NMU: variants seen among roughly 807,000 people sequenced by gnomAD.
NMU encodes the protein neuromedin U, also known as neuromedin-U.
A neutral mutation model predicts 35.4 loss-of-function variants in NMU; 29 were observed. That is an observed-to-expected ratio of 0.82 (90% confidence interval 0.61 to 1.12). The LOEUF is 1.12. Ranked by LOEUF, NMU falls within the 50% of genes most tolerant of loss-of-function variation. The pLI is 0.00. For missense variants in NMU, 199 were observed against 206.2 expected (o/e 0.97, Z 0.21); for synonymous variants, 78 against 81.3 (o/e 0.96, Z 0.22).
Position 55,630,406 on chromosome 4 carries a change from T to C in NMU, c.167A>G (p.Asn56Ser). 6.2e-7 allele frequency: 1 copy of C among 1,609,930 alleles called. No homozygotes were observed. Among genetic ancestry groups the C allele is most frequent in the Non-Finnish European group, 8.5e-7 (1 of 1,176,400 alleles). ...TGTGTGATGATAGTTCCTTACCTCATTCCACAACTGTAGCTGTTGTTCAGG... is the reference window on the plus strand; with the variant it reads ...TGTGTGATGATAGTTCCTTACCTCACTCCACAACTGTAGCTGTTGTTCAGG... ...LQPEQQLQLW[N>S]EIDDTCSSFL... Residue 56 changes from asparagine to serine, a missense_variant, in exon 2 of 10, where the codon AAT becomes AGT. By Grantham distance (46) the Asn-to-Ser change is conservative. Transcript: ENST00000264218.
At chr4:55,636,339 A>G (rs1251042838), upstream of NMU, 1 of 1,236,960 alleles carries the variant, frequency 8.1e-7, no homozygotes, top group Non-Finnish European at 1.0e-6. The surrounding 1 kb of genome is among the most constrained non-coding windows in gnomAD (Gnocchi z 4.0). Flanking sequence ...CTCGCGCACA[A>G]GTGGGCTGGG....
chr4:55,604,617 G>A lies in NMU; in HGVS notation c.435+658C>T, dbSNP rs144124598. Among the ~76,000 whole-genome samples the A allele has an allele frequency of 9.5e-3, 1,335 of 139,864 alleles. 29 individuals are homozygous for A. Among genetic ancestry groups the A allele is most frequent in the African/African-American group, 0.031 (1,186 of 38,302 alleles). 91.8% of individuals were successfully genotyped at this position (139,864 alleles called of 152,430 possible). ...CAACCTCTGCCTCCTGGGTTCAAGC[G>A]ATTCTTGTGCCTCAGTCTCCGAGTA... On this transcript the variant is annotated intron_variant, in intron 7 of 9. Transcript: ENST00000264218.
chr4:55,600,592 G>T lies in NMU; in HGVS notation c.436-17C>A, dbSNP rs763350440. 3.8e-6 allele frequency: 6 copies of T among 1,590,196 alleles called. No individual in the cohort carries two copies. The East Asian group carries it at 1.3e-4, about 36-fold the overall frequency. On this transcript the variant is annotated splice_polypyrimidine_tract_variant and intron_variant, in intron 7 of 9. Coordinates refer to ENST00000264218, the MANE Select transcript of NMU (RefSeq NM_006681.4). ...GAATTCTTCCTAGAAGAGAAAATGAGGGCATTACAAATCACATAACACTAA... is the reference window on the plus strand; with the variant it reads ...GAATTCTTCCTAGAAGAGAAAATGATGGCATTACAAATCACATAACACTAA...
chr4:55,632,976 A>G (rs1242287747), intron 1 of NMU, among the ~76,000 whole-genome samples: 1 of 145,438 alleles, frequency 6.9e-6, no homozygotes, highest in African/African-American at 2.6e-5. Flanking sequence ...TGTGGAAAAA[A>G]AAAAAAAAGG....
intron 7 of NMU, among the ~76,000 whole-genome samples, chr4:55,604,118 T>G (rs1210400393): frequency 1.4e-5 from 2 of 143,842 alleles, no homozygotes; most frequent in African/African-American, 2.6e-5. Flanking sequence ...CAGGCTGGAG[T>G]GCAGTGGCGA....
intron 4 of NMU, among the ~76,000 whole-genome samples, chr4:55,608,730 C>T (rs1733806566): frequency 6.6e-6 from 1 of 151,620 alleles, no homozygotes; most frequent in South Asian, 2.1e-4. Flanking sequence ...TTCTTAATGC[C>T]CTACTCTCCC....
chr4:55,611,461 C>T (rs942781178), intron 3 of NMU, among the ~76,000 whole-genome samples: 1 of 152,062 alleles, frequency 6.6e-6, no homozygotes. Flanking sequence ...ATAAATTTAA[C>T]GCAGCCTAAG....
At chr4:55,609,280 T>C (rs17725163) in intron 3 of NMU, 101 bp from the exon 4 acceptor site, 140,363 of 851,492 alleles carry the variant, frequency 0.16, 12,855 homozygotes, top group South Asian at 0.2. Flanking sequence ...AAATGCTAAC[T>C]ACCTGGAAAA....
At chr4:55,625,121 A>G (rs1411213394) in intron 2 of NMU, among the ~76,000 whole-genome samples, 11 of 129,504 alleles carry the variant, frequency 8.5e-5, no homozygotes, top group Admixed American at 8.1e-5. Context: ...ATACATATGT[A>G]ACTAACCTGC....
At position 55,632,970 on chromosome 4, in the gene NMU, GAAAA is replaced by G. The variant is rs57903053; in HGVS notation, c.113-2514_113-2511del. On this transcript the variant is annotated intron_variant, in intron 1 of 9. Coordinates refer to ENST00000264218, the MANE Select transcript of NMU (RefSeq NM_006681.4). ...AACACGTAAACACAGTTTCACTGTG[GAAAA>G]AAAAAAAAAAGGAGAGGAAACAAAA... Among the ~76,000 whole-genome samples, 671 of 121,460 alleles carry G rather than the reference GAAAA, an allele frequency of 5.5e-3. 6 individuals are homozygous for G. Among genetic ancestry groups the G allele is most frequent in the Middle Eastern group, 0.033 (8 of 244 alleles). The allele number at this position is 121,460 out of a possible 152,430, so 79.7% of individuals were successfully genotyped here.
At chr4:55,630,544 C>T (rs879900300) in intron 1 of NMU, 84 bp from the exon 2 acceptor site, 4 of 1,090,646 alleles carry the variant, frequency 3.7e-6, no homozygotes, top group Non-Finnish European at 5.5e-6. Flanking sequence ...TTCTCGCACA[C>T]TTTCTTCATT....
chr4:55,609,720 C>T (rs1733854728), intron 3 of NMU, among the ~76,000 whole-genome samples: 3 of 152,196 alleles, frequency 2.0e-5, no homozygotes, highest in African/African-American at 4.8e-5. Flanking sequence ...AGCCCAGGAT[C>T]AGGTTTTTCA....
chr4:55,629,839 G>T (rs981259113), intron 2 of NMU, among the ~76,000 whole-genome samples: 5 of 151,778 alleles, frequency 3.3e-5, no homozygotes, highest in Admixed American at 6.6e-5. Context: ...TTCCCTGAAG[G>T]TCTATCAGTT....
rs200485463 is a variant in NMU, at chr4:55,614,842, T to C, written c.219+1496A>G. Among the ~76,000 whole-genome samples the C allele has an allele frequency of 5.3e-5, 8 of 152,346 alleles. No individual in the cohort carries two copies. In the East Asian group the frequency reaches 1.3e-3, roughly 26 times the overall value. On this transcript the variant is annotated intron_variant, in intron 3 of 9. Transcript: ENST00000264218. ...ATATGCTGATTAATATAATCTCATGTTATTAATATATATCTGCCAATGCTC... is the reference window on the plus strand; with the variant it reads ...ATATGCTGATTAATATAATCTCATGCTATTAATATATATCTGCCAATGCTC...
chr4:55,613,122 G>A (rs757904781), intron 3 of NMU, among the ~76,000 whole-genome samples: 26 of 149,292 alleles, frequency 1.7e-4, no homozygotes, highest in Non-Finnish European at 2.9e-4. Flanking sequence ...TGGGCAAAGA[G>A]AAGGAAACAG....
chr4:55,618,850 TTTC>T (rs1315048036), intron 2 of NMU, among the ~76,000 whole-genome samples: 1 of 151,032 alleles, frequency 6.6e-6, no homozygotes, highest in African/African-American at 2.4e-5. Flanking sequence ...TCTCTCTTTC[TTTC>T]TTCTCTCTCT....
intron 2 of NMU, among the ~76,000 whole-genome samples, chr4:55,628,812 C>T (rs1734644155): frequency 6.6e-6 from 1 of 151,928 alleles, no homozygotes; most frequent in Admixed American, 6.6e-5. Flanking sequence ...TACTTCATTC[C>T]TGTTTTTTTT....
At chr4:55,635,594 T>C (rs1032708471) in intron 1 of NMU, among the ~76,000 whole-genome samples, 2 of 152,228 alleles carry the variant, frequency 1.3e-5, no homozygotes, top group African/African-American at 4.8e-5. Flanking sequence ...AGCATAACAC[T>C]AGCTCACTCA....
At chr4:55,612,259 G>A (rs2110196670) in intron 3 of NMU, among the ~76,000 whole-genome samples, 1 of 152,294 alleles carries the variant, frequency 6.6e-6, no homozygotes, top group Non-Finnish European at 1.5e-5. Flanking sequence ...AATTAGCTGG[G>A]CATGGTGGCA....
Sources: gnomAD v4.1 joint callset for allele counts (sites outside exome capture counted in the v4.1 genomes callset) on GRCh38, gnomAD v4.1.1 for gene constraint, Gnocchi (gnomAD v3.1) non-coding constraint, MANE v1.5 for transcripts, NCBI Gene and HGNC (gene_info 2026-07-23, HGNC 2026-07-21) for gene names.